The following AMZ1 variants were observed in gnomAD, a reference collection of about 807,000 sequenced individuals.
AMZ1 encodes the protein archaelysin family metallopeptidase 1.
Under a neutral mutation model 29.9 loss-of-function variants are expected in AMZ1, and 39 were observed. The ratio of observed to expected loss-of-function variants is 1.30; its 90% CI spans 1.01 to 1.70. The LOEUF (loss-of-function observed/expected upper bound fraction) is 1.70, where lower values mean the gene tolerates loss of function less well. Among genes scored for constraint, AMZ1 ranks in the 40% most tolerant of loss-of-function variants. The pLI is 0.00. For synonymous variants in AMZ1, 458 were observed against 304.0 expected (o/e 1.51, Z -5.27); for missense variants, 1,041 against 680.6 (o/e 1.53, Z -5.89).
intron 4 of AMZ1, among the ~76,000 whole-genome samples, chr7:2,727,866 G>A (rs1383428873): frequency 6.6e-6 from 1 of 151,732 alleles, no homozygotes; most frequent in African/African-American, 2.4e-5. Context: ...GACCACCCTG[G>A]CCAACATGGT....
At chr7:2,757,657 G>A (rs369167214) in intron 4 of AMZ1, among the ~76,000 whole-genome samples, 7 of 152,286 alleles carry the variant, frequency 4.6e-5, no homozygotes, top group East Asian at 1.9e-4. Flanking sequence ...CATCTGTGCC[G>A]TTTTAAGTTG....
At position 2,713,011 on chromosome 7, in the gene AMZ1, C is replaced by T. The variant is rs1788901274; in HGVS notation, c.*133C>T. 9.7e-7 allele frequency: 1 copy of T among 1,035,816 alleles called. No individual in the cohort carries two copies. Among genetic ancestry groups the T allele is most frequent in the Non-Finnish European group, 1.3e-6 (1 of 773,232 alleles). 64.2% of individuals were successfully genotyped at this position (1,035,816 alleles called of 1,614,324 possible). A position where few individuals can be genotyped will look rare whatever the true frequency, so the allele number is the denominator to read the frequency against. On this transcript the variant is annotated 3_prime_UTR_variant, in exon 7 of 7. Coordinates refer to ENST00000683327, the MANE Select transcript of AMZ1 (RefSeq NM_001384743.1). The stretch of plus-strand genomic sequence containing the variant: ...GGGTGGTGGCTCAGGCCTGTCATCC[C>T]ATCACTTTGAGAGGCCAGGAGTTTG...
upstream of AMZ1, among the ~76,000 whole-genome samples, chr7:2,687,083 C>CT (rs1166090018): frequency 1.3e-5 from 2 of 151,892 alleles, no homozygotes; most frequent in African/African-American, 2.4e-5. Flanking sequence ...ACTCCCAGCA[C>CT]TTTGAGAGGC....
downstream of AMZ1, among the ~76,000 whole-genome samples, chr7:2,720,566 G>A (rs1451244489): frequency 6.6e-6 from 1 of 152,048 alleles, no homozygotes; most frequent in Non-Finnish European, 1.5e-5. Context: ...ACCAAGCCTG[G>A]CTAATTTTTG....
intron 4 of AMZ1, among the ~76,000 whole-genome samples, chr7:2,752,405 G>A (rs1791085442): frequency 6.6e-6 from 1 of 152,188 alleles, no homozygotes; most frequent in Non-Finnish European, 1.5e-5. Context: ...CACTTTTACT[G>A]CTTCTGGTCA....
chr7:2,685,945 G>A (rs1333293720), upstream of AMZ1, among the ~76,000 whole-genome samples: 9 of 152,160 alleles, frequency 5.9e-5, no homozygotes, highest in South Asian at 2.1e-4. Context: ...AAATCCCTGC[G>A]GCAACACGTG....
chr7:2,698,403 T>C (rs1327774961), intron 1 of AMZ1, among the ~76,000 whole-genome samples: 2 of 151,328 alleles, frequency 1.3e-5, no homozygotes, highest in Admixed American at 1.3e-4. Context: ...CCTAGCATGG[T>C]CGGGGGCACC....
At chr7:2,709,949 A>G (rs1788660028) in intron 6 of AMZ1, 133 bp downstream of exon 6, 3 of 1,256,368 alleles carry the variant, frequency 2.4e-6, no homozygotes, top group South Asian at 1.4e-5. Flanking sequence ...GGCAGTGCAG[A>G]GCCCTGGGAC....
chr7:2,697,135 C>T (rs1476208039), intron 1 of AMZ1, among the ~76,000 whole-genome samples: 1 of 152,190 alleles, frequency 6.6e-6, no homozygotes, highest in Non-Finnish European at 1.5e-5. Flanking sequence ...CAGAGCCTTG[C>T]TGCAATGCCC....
intron 4 of AMZ1, among the ~76,000 whole-genome samples, chr7:2,743,040 G>A (rs1469836659): frequency 6.6e-6 from 1 of 152,186 alleles, no homozygotes; most frequent in East Asian, 1.9e-4. Flanking sequence ...TTTTTGGCCA[G>A]GAGAACAAGA....
chr7:2,747,767 A>G (rs1790838286), intron 4 of AMZ1, among the ~76,000 whole-genome samples: 1 of 152,250 alleles, frequency 6.6e-6, no homozygotes, highest in Non-Finnish European at 1.5e-5. Context: ...TATATTATCT[A>G]GAAAACCCCA....
intron 1 of AMZ1, among the ~76,000 whole-genome samples, chr7:2,689,366 T>A (rs1385260147): frequency 7.2e-6 from 1 of 139,066 alleles, no homozygotes; most frequent in Non-Finnish European, 1.6e-5. Flanking sequence ...CGGCAGAACC[T>A]CCCTGGGGGG....
chr7:2,725,826 T>C (rs1789594365), intron 4 of AMZ1, among the ~76,000 whole-genome samples: 1 of 152,222 alleles, frequency 6.6e-6, no homozygotes, highest in Non-Finnish European at 1.5e-5. Flanking sequence ...GATCACGAGA[T>C]TGAAAGGCTG....
intron 1 of AMZ1, among the ~76,000 whole-genome samples, chr7:2,698,780 G>A (rs1376281718): frequency 6.6e-6 from 1 of 152,164 alleles, no homozygotes; most frequent in Non-Finnish European, 1.5e-5. Flanking sequence ...AGGCTGCAGT[G>A]AGCTATGATT....
intron 1 of AMZ1, among the ~76,000 whole-genome samples, chr7:2,682,229 G>A (rs1583127459): frequency 1.3e-5 from 2 of 151,202 alleles, no homozygotes; most frequent in South Asian, 4.2e-4. Context: ...CGCTCTTCGT[G>A]CTGGGGAGCT....
chr7:2,702,332 T>C (rs1269566082), intron 2 of AMZ1: 1 of 195,106 alleles, frequency 5.1e-6, no homozygotes, highest in Non-Finnish European at 1.0e-5. Flanking sequence ...CCTGGCTCTG[T>C]GTCCTGCTGT....
chr7:2,726,191 T>A (rs374375301), intron 4 of AMZ1, among the ~76,000 whole-genome samples: 2 of 152,220 alleles, frequency 1.3e-5, no homozygotes, highest in African/African-American at 4.8e-5. Context: ...GAGGAAAGAT[T>A]AGCAAGGATT....
At chr7:2,725,579 T>C (rs1789584488) in intron 4 of AMZ1, among the ~76,000 whole-genome samples, 1 of 152,168 alleles carries the variant, frequency 6.6e-6, no homozygotes, top group African/African-American at 2.4e-5. Flanking sequence ...CCTGAAGACT[T>C]TCCTCCAGAG....
upstream of AMZ1, among the ~76,000 whole-genome samples, chr7:2,764,381 G>A (rs995252929): frequency 3.9e-5 from 6 of 151,968 alleles, no homozygotes; most frequent in Admixed American, 1.3e-4. Context: ...CCGCATCCAG[G>A]CAGTCTGGTT....
Sources: allele counts gnomAD v4.1 joint callset (sites outside exome capture counted in the v4.1 genomes callset), GRCh38; gene constraint gnomAD v4.1.1; transcripts MANE v1.5; gene names NCBI Gene and HGNC (gene_info 2026-07-23, HGNC 2026-07-21).